Variants in SERPINC1 observed in about 807,000 individuals in gnomAD.
SERPINC1 encodes serpin family C member 1, also known as antithrombin-III.
A neutral mutation model predicts 43.4 loss-of-function variants in SERPINC1; 12 were observed. The ratio of observed to expected loss-of-function variants is 0.28; its 90% CI spans 0.18 to 0.45. The LOEUF is 0.45. Ranked by LOEUF, SERPINC1 falls within the 20% of genes least tolerant of loss-of-function variation. SERPINC1 has a pLI of 1.00. For missense variants in SERPINC1, 423 were observed against 578.8 expected (o/e 0.73, Z 2.76); for synonymous variants, 210 against 218.9 (o/e 0.96, Z 0.36).
intron 2 of SERPINC1, among the ~76,000 whole-genome samples, chr1:173,912,304 A>G (rs1299591806): frequency 1.3e-5 from 2 of 152,206 alleles, no homozygotes; most frequent in Non-Finnish European, 2.9e-5. Context: ...GGAATGGGAA[A>G]AGTCCTCTTG....
rs765445413 is a variant in SERPINC1, at chr1:173,911,974, T to G, written c.449A>C (p.Gln150Pro). The G allele has an allele frequency of 1.5e-5, 25 of 1,614,072 alleles. No homozygotes were observed. Among genetic ancestry groups the G allele is most frequent in the Non-Finnish European group, 2.0e-5 (24 of 1,180,032 alleles). ...CAGTTTGGCAAAGAAGAAGTGGATC[T>G]GATCAGATGTTTTCTCAGATATGGT... ...FDTISEKTSD[Q>P]IHFFFAKLNC... is the part of the protein sequence containing the mutation. Residue 150 changes from glutamine to proline, a missense_variant, in exon 3 of 7, where the codon CAG becomes CCG. Physicochemically the swap from Gln to Pro is moderately conservative, Grantham distance 76. Coordinates refer to ENST00000367698, the MANE Select transcript of SERPINC1 (RefSeq NM_000488.4).
At chr1:173,908,840 G>A (rs980525709) in intron 5 of SERPINC1, among the ~76,000 whole-genome samples, 8 of 152,100 alleles carry the variant, frequency 5.3e-5, no homozygotes, top group Non-Finnish European at 1.2e-4. Flanking sequence ...TATTACAGGC[G>A]TGAGCCACCC....
At position 173,909,973 on chromosome 1, in the gene SERPINC1, A is replaced by C. The variant is rs768953809; in HGVS notation, c.763-31T>G. 1.8e-5 allele frequency: 29 copies of C among 1,609,232 alleles called. No individual in the cohort carries two copies. In the East Asian group the frequency reaches 6.5e-4, roughly 36 times the overall value. On this transcript the variant is annotated intron_variant, in intron 4 of 6. Transcript: ENST00000367698. Reference sequence around the variant, plus strand: ...AGAGAATCACAAAGTAAGAACACAAACATTCATAGGAGGATAGTTATTGAC... The same window carrying C: ...AGAGAATCACAAAGTAAGAACACAACCATTCATAGGAGGATAGTTATTGAC...
In SERPINC1 at chr1:173,909,831, A is replaced by G. The variant is rs769991153; in HGVS notation, c.874T>C (p.Tyr292His). 2 of 1,614,104 alleles carry G rather than the reference A, an allele frequency of 1.2e-6. No homozygotes were observed. Among genetic ancestry groups the G allele is most frequent in the Non-Finnish European group, 1.7e-6 (2 of 1,179,928 alleles). Residue 292 changes from tyrosine (Y) to histidine (H), a missense_variant, in exon 5 of 7, where the codon TAT becomes CAT. Transcript: ENST00000367698. The part of the protein sequence containing the change: ...SMMYQEGKFR[Y>H]RRVAEGTQVL... Reference sequence around the variant, plus strand: ...TGGGTGCCTTCAGCCACGCGCCGATAACGGAACTTGCCTTCCTGGTACATC... The same window carrying G: ...TGGGTGCCTTCAGCCACGCGCCGATGACGGAACTTGCCTTCCTGGTACATC...
chr1:173,915,284 G>C, intron 1 of SERPINC1: 1 of 654,770 alleles, frequency 1.5e-6, no homozygotes, highest in South Asian at 2.6e-5. Context: ...AGGGTGGTAG[G>C]GGGAGCCATC....
At position 173,909,835 on chromosome 1, in the gene SERPINC1, G is replaced by C. The variant is rs370190321; in HGVS notation, c.870C>G (p.Phe290Leu). The change falls in exon 5 of 7, where the codon TTC becomes TTG. Residue 290 changes from phenylalanine (F) to leucine (L), a missense_variant. Transcript: ENST00000367698. ...SASMMYQEGK[F>L]RYRRVAEGTQ... ...TGCCTTCAGCCACGCGCCGATAACG[G>C]AACTTGCCTTCCTGGTACATCATAG... 1.2e-6 allele frequency: 2 copies of C among 1,613,022 alleles called. No individual in the cohort carries two copies. Among genetic ancestry groups the C allele is most frequent in the Non-Finnish European group, 1.7e-6 (2 of 1,179,324 alleles).
intron 6 of SERPINC1, among the ~76,000 whole-genome samples, chr1:173,904,293 G>A (rs1657391389): frequency 6.6e-6 from 1 of 152,200 alleles, no homozygotes; most frequent in African/African-American, 2.4e-5. Context: ...ATAAGTGTAA[G>A]AGTTCCATTC....
chr1:173,910,797 T>G lies in SERPINC1; in HGVS notation c.719A>C (p.Asn240Thr). The G allele has an allele frequency of 6.2e-7, 1 of 1,614,130 alleles. No individual in the cohort carries two copies. Among genetic ancestry groups the G allele is most frequent in the Non-Finnish European group, 8.5e-7 (1 of 1,179,974 alleles). ...ITDVIPSEAI[N>T]ELTVLVLVNT... ...AACCAGCACCAGAACAGTGAGCTCA[T>G]TGATGGCTTCCGAGGGAATGACATC... Residue 240 changes from asparagine (N) to threonine (T), a missense_variant, in exon 4 of 7, where the codon AAT becomes ACT. Physicochemically the swap from Asn to Thr is moderately conservative, Grantham distance 65 (BLOSUM62 0). Coordinates refer to ENST00000367698, the MANE Select transcript of SERPINC1 (RefSeq NM_000488.4).
intron 5 of SERPINC1, 150 bp from the exon 6 acceptor site, chr1:173,907,664 T>C: frequency 1.4e-6 from 1 of 725,678 alleles, no homozygotes; most frequent in Non-Finnish European, 2.5e-6. Context: ...ACTCTCACAA[T>C]GAATATGTGT....
chr1:173,914,533 C>T lies in SERPINC1; in HGVS notation c.408+20G>A, dbSNP rs759583638. ...AGGTGCTCCTAACAAGGTGGCTGGGCAGAAGACCTTTGGTCGTACCTCCAT... is the reference window on the plus strand; with the variant it reads ...AGGTGCTCCTAACAAGGTGGCTGGGTAGAAGACCTTTGGTCGTACCTCCAT... On this transcript the variant is annotated intron_variant, in intron 2 of 6. Transcript: ENST00000367698. 5 of 1,613,372 alleles carry T rather than the reference C, an allele frequency of 3.1e-6. No individual in the cohort carries two copies. The highest frequency in any genetic ancestry group is 4.2e-6 in the Non-Finnish European group (5 of 1,180,038).
Position 173,911,843 on chromosome 1 carries a change from T to C in SERPINC1, c.580A>G (p.Ser194Gly). 1 of 1,614,196 alleles carries C rather than the reference T, an allele frequency of 6.2e-7. No individual in the cohort carries two copies. ...LTFNETYQDI[S>G]ELVYGAKLQP... ...AGCTTGGCTCCATATACCAACTCAC[T>C]GATGTCCTGGTAGGTCTCATTGAAG... is the stretch of plus-strand genomic sequence containing the variant. The change falls in exon 3 of 7, where the codon AGT becomes GGT. Residue 194 changes from serine (S) to glycine (G), a missense_variant. Ser to Gly is a moderately conservative substitution (Grantham distance 56, BLOSUM62 0). Coordinates refer to ENST00000367698, the MANE Select transcript of SERPINC1 (RefSeq NM_000488.4).
At chr1:173,907,337 G>A (rs1482219245) in intron 6 of SERPINC1, 113 bp downstream of exon 6, 1 of 826,362 alleles carries the variant, frequency 1.2e-6, no homozygotes, top group East Asian at 2.4e-5. Flanking sequence ...ATTATAGCAG[G>A]CCTGTGGAGG....
chr1:173,906,635 CTT>C (rs746811672), intron 6 of SERPINC1, among the ~76,000 whole-genome samples: 3 of 141,270 alleles, frequency 2.1e-5, no homozygotes, highest in Non-Finnish European at 3.1e-5. Context: ...AGTCTCCAAA[CTT>C]TTTTTTTTTT....
chr1:173,917,144 A>G, intron 1 of SERPINC1, 75 bp downstream of exon 1: 1 of 1,250,152 alleles, frequency 8.0e-7, no homozygotes, highest in South Asian at 1.2e-5. Flanking sequence ...AAGGTGTTGG[A>G]GGTCATTCCT....
intron 4 of SERPINC1, among the ~76,000 whole-genome samples, 155 bp from the exon 5 acceptor site, chr1:173,910,097 A>G (rs972457167): frequency 6.6e-6 from 1 of 152,220 alleles, no homozygotes; most frequent in African/African-American, 2.4e-5. Context: ...GCTGTGTCAG[A>G]ATGATGGAAT....
At chr1:173,911,092 A>G (rs1221743273) in intron 3 of SERPINC1, among the ~76,000 whole-genome samples, 1 of 152,216 alleles carries the variant, frequency 6.6e-6, no homozygotes, top group Non-Finnish European at 1.5e-5. Flanking sequence ...AATAAATATT[A>G]TCAGAAGAAA....
Position 173,911,857 on chromosome 1 carries a change from G to T in SERPINC1, c.566C>A (p.Thr189Asn). The T allele has an allele frequency of 6.2e-7, 1 of 1,614,188 alleles. No homozygotes were observed. Residue 189 changes from threonine to asparagine, a missense_variant, in exon 3 of 7, where the codon ACC (threonine) becomes AAC (asparagine). Coordinates refer to ENST00000367698, the MANE Select transcript of SERPINC1 (RefSeq NM_000488.4). ...TACCAACTCACTGATGTCCTGGTAG[G>T]TCTCATTGAAGGTAAGGGATTTGTC... is the stretch of plus-strand genomic sequence containing the variant. ...FGDKSLTFNE[T>N]YQDISELVYG...
At chr1:173,915,018 C>T (rs535340009) in intron 1 of SERPINC1, 99 bp from the exon 2 acceptor site, 1 of 1,544,336 alleles carries the variant, frequency 6.5e-7, no homozygotes, top group South Asian at 1.2e-5. Flanking sequence ...TCCAGCCCAC[C>T]TGGTGTGGCC....
At position 173,905,220 on chromosome 1, in the gene SERPINC1, G is replaced by C. The variant is rs114896719; in HGVS notation, c.1219-1155C>G. Among the ~76,000 whole-genome samples, 499 of 152,274 alleles carry C rather than the reference G, an allele frequency of 3.3e-3. 3 individuals carry two copies. The highest frequency in any genetic ancestry group is 0.012 in the African/African-American group (480 of 41,558). ...TCTTCCAAAAATCCATGTGAAAGAG[G>C]GTGTGAGCAGTGTCATCTTAACTTC... On this transcript the variant is annotated intron_variant, in intron 6 of 6. Transcript: ENST00000367698.
Sources: allele counts gnomAD v4.1 joint callset (sites outside exome capture counted in the v4.1 genomes callset), GRCh38; gene constraint gnomAD v4.1.1; transcripts MANE v1.5; gene names NCBI Gene and HGNC (gene_info 2026-07-23, HGNC 2026-07-21).